The following PITPNM1 variants were observed in gnomAD, a reference collection of about 807,000 sequenced individuals.
PITPNM1 encodes phosphatidylinositol transfer protein membrane associated 1.
In PITPNM1, 74 loss-of-function variants were observed where a neutral mutation model predicts 133.3. That is an observed-to-expected ratio of 0.56 (90% CI 0.46 to 0.67). PITPNM1 has a LOEUF of 0.67. PITPNM1 is among the 30% of genes least tolerant of loss of function. PITPNM1 has a pLI of 0.00. For synonymous variants in PITPNM1, 738 were observed against 741.4 expected, an observed-to-expected ratio of 1.00 and a Z score of 0.08; for missense variants, 1,398 against 1,739.5, an observed-to-expected ratio of 0.80 and a Z score of 3.49.
intron 14 of PITPNM1, chr11:67,496,956 G>T: frequency 1.6e-5 from 5 of 318,282 alleles, no homozygotes; most frequent in Admixed American, 4.8e-5. Flanking sequence ...AGGCTGAGAA[G>T]AGGGCAGCGG....
In PITPNM1 at chr11:67,493,048, G is replaced by A. The variant is rs781092601; in HGVS notation, c.3357C>T (p.Ile1119=). ...QSLVQEVELN[I]VAGYGSPKDV... is the part of the protein sequence containing the mutation. ...CTTTGGGAGACCCATAACCGGCCAC[G>A]ATGTTCAGTTCTACCTGTGGCGGGA... The change falls in exon 23 of 24, where the codon ATC becomes ATT. Residue 1119 remains isoleucine, a synonymous_variant. Transcript: ENST00000356404. 4 of 1,612,886 alleles carry A rather than the reference G, an allele frequency of 2.5e-6. No homozygotes were observed. Among genetic ancestry groups the A allele is most frequent in the African/African-American group, 2.7e-5 (2 of 74,952 alleles).
Position 67,497,404 on chromosome 11 carries a change from CAGG to C in PITPNM1, c.1970_1972del (p.Ser657del). ...GGCCGTGCTTGCCCGCCGGGGCTCC[CAGG>C]AGGAGGTGGTTGCGGGGGCTGCCTG... On this transcript the variant is annotated inframe_deletion, in exon 14 of 24. Coordinates refer to ENST00000356404, the MANE Select transcript of PITPNM1 (RefSeq NM_004910.3). 1 of 1,590,844 alleles carries C rather than the reference CAGG, an allele frequency of 6.3e-7. No homozygotes were observed. The highest frequency in any genetic ancestry group is 8.6e-7 in the Non-Finnish European group (1 of 1,166,302).
Position 67,495,161 on chromosome 11 carries a change from G to A in PITPNM1, c.2547C>T (p.Thr849=), listed in dbSNP as rs1299480915. ...GGGGCAGCGTGACGGTGGGAAAGGC[G>A]GTGAGCGCCTCGGGGCAGTACAGCG... is the stretch of plus-strand genomic sequence containing the variant. The part of the protein sequence containing the change: ...DYSLYCPEAL[T]AFPTVTLPHL... The change falls in exon 17 of 24, where the codon ACC becomes ACT. Residue 849 remains threonine (T), a synonymous_variant. Transcript: ENST00000356404. 7.4e-6 allele frequency: 12 copies of A among 1,612,044 alleles called. No homozygotes were observed. The highest frequency in any genetic ancestry group is 9.3e-6 in the Non-Finnish European group (11 of 1,179,844).
chr11:67,499,661 A>G, intron 8 of PITPNM1, 62 bp downstream of exon 8: 9 of 742,586 alleles, frequency 1.2e-5, no homozygotes, highest in Admixed American at 6.2e-5. Flanking sequence ...TTAAGATGCC[A>G]TTAAACTCAT....
chr11:67,493,826 G>A lies in PITPNM1; in HGVS notation c.3020C>T (p.Thr1007Ile). The change falls in exon 21 of 24, where the codon ACC becomes ATC. Residue 1007 changes from threonine to isoleucine, a missense_variant. Physicochemically the swap from Thr to Ile is moderately conservative, Grantham distance 89. Around this residue, in one of 5 missense-constraint regions of PITPNM1, gnomAD observed 233 missense variants for 378.0 expected, o/e 0.62. Coordinates refer to ENST00000356404, the MANE Select transcript of PITPNM1 (RefSeq NM_004910.3). Reference protein sequence around the residue: ...PVRMVVRGDHTYAECCLTVVA... With the variant: ...PVRMVVRGDHIYAECCLTVVA... The stretch of plus-strand genomic sequence containing the variant: ...CACAGTCAGGCAGCATTCGGCATAG[G>A]TGTGGTCGCCCCTGCGGCCCACGGG... 6.5e-7 allele frequency: 1 copy of A among 1,546,324 alleles called. No individual in the cohort carries two copies. Among genetic ancestry groups the A allele is most frequent in the Non-Finnish European group, 8.7e-7 (1 of 1,145,272 alleles).
chr11:67,500,907 A>G (rs1001576252), intron 5 of PITPNM1, among the ~76,000 whole-genome samples: 2 of 152,254 alleles, frequency 1.3e-5, no homozygotes, highest in Admixed American at 6.5e-5. Flanking sequence ...AAACTCTTAA[A>G]TGTCTAGGAA....
intron 14 of PITPNM1, chr11:67,496,957 A>T: frequency 9.7e-6 from 3 of 309,722 alleles, no homozygotes; most frequent in Non-Finnish European, 1.2e-5. Context: ...GGCTGAGAAG[A>T]GGGCAGCGGC....
Position 67,502,796 on chromosome 11 carries a change from T to C in PITPNM1, c.79-78A>G. 1 of 1,430,450 alleles carries C rather than the reference T, an allele frequency of 7.0e-7. No homozygotes were observed. The highest frequency in any genetic ancestry group is 1.2e-5 in the South Asian group (1 of 85,162). The allele number at this position is 1,430,450 out of a possible 1,614,324, so 88.6% of individuals were successfully genotyped here. On this transcript the variant is annotated intron_variant, in intron 2 of 23. Coordinates refer to ENST00000356404, the MANE Select transcript of PITPNM1 (RefSeq NM_004910.3). The surrounding 1 kb of genome is among the most constrained non-coding windows in gnomAD (Gnocchi z 5.9). The stretch of plus-strand genomic sequence containing the variant: ...GGATCCCCAGCTCAGCCTGGTGTTC[T>C]ACACAGCTCTGGGGCCCTGGTCCCA...
In PITPNM1 at chr11:67,504,351, C is replaced by T; in HGVS notation, c.-41-130G>A. ...CCGCCACGAGGGAGGCAGAGGCGAG[C>T]CTAGCACCGCCGCCCGCGCCGCCGG... is the stretch of plus-strand genomic sequence containing the variant. On this transcript the variant is annotated intron_variant, in intron 1 of 23. Transcript: ENST00000356404. The surrounding 1 kb of genome is among the most constrained non-coding windows in gnomAD (Gnocchi z 5.4). 1 of 304,520 alleles carries T rather than the reference C, an allele frequency of 3.3e-6. No individual in the cohort carries two copies. Among genetic ancestry groups the T allele is most frequent in the Non-Finnish European group, 5.9e-6 (1 of 168,254 alleles). The allele number at this position is 304,520 out of a possible 1,614,324, so 18.9% of individuals were successfully genotyped here.
chr11:67,496,453 G>T, intron 14 of PITPNM1, 105 bp from the exon 15 acceptor site: 1 of 1,016,484 alleles, frequency 9.8e-7, no homozygotes, highest in Non-Finnish European at 1.4e-6. Flanking sequence ...GTGTGACCCC[G>T]AGCCAGCACT....
At position 67,500,100 on chromosome 11, in the gene PITPNM1, T is replaced by C. The variant is rs1866275674; in HGVS notation, c.962A>G (p.His321Arg). 3.1e-6 allele frequency: 5 copies of C among 1,596,190 alleles called. No individual in the cohort carries two copies. The highest frequency in any genetic ancestry group is 3.4e-5 in the Admixed American group (2 of 59,500). ...TCCCTGTGCCCCAGCCTCACCTCCATGTTGGGATGAGTAGGAGGAACGGGA... is the reference window on the plus strand; with the variant it reads ...TCCCTGTGCCCCAGCCTCACCTCCACGTTGGGATGAGTAGGAGGAACGGGA... Reference protein sequence around the residue: ...SSSRSSYSSQHGGAVSPQSLS... With the variant: ...SSSRSSYSSQRGGAVSPQSLS... The change falls in exon 6 of 24, where the codon CAT (histidine) becomes CGT (arginine). Residue 321 changes from histidine (H) to arginine (R), a missense_variant. His to Arg is a conservative substitution (Grantham distance 29). Around this residue, in one of 5 missense-constraint regions of PITPNM1, gnomAD observed 195 missense variants for 178.8 expected, o/e 1.09. Coordinates refer to ENST00000356404, the MANE Select transcript of PITPNM1 (RefSeq NM_004910.3).
Position 67,494,079 on chromosome 11 carries a change from G to C in PITPNM1, c.2860-9C>G. 2 of 1,601,560 alleles carry C rather than the reference G, an allele frequency of 1.2e-6. No homozygotes were observed. Among genetic ancestry groups the C allele is most frequent in the Non-Finnish European group, 1.7e-6 (2 of 1,172,846 alleles). ...ATGATGTAGACATCCACCTGGAGGGGAGAAGGGGCGGGAGGTAAATGGGGG... is the reference window on the plus strand; with the variant it reads ...ATGATGTAGACATCCACCTGGAGGGCAGAAGGGGCGGGAGGTAAATGGGGG... On this transcript the variant is annotated splice_polypyrimidine_tract_variant and intron_variant, in intron 19 of 23. Coordinates refer to ENST00000356404, the MANE Select transcript of PITPNM1 (RefSeq NM_004910.3).
At position 67,494,641 on chromosome 11, in the gene PITPNM1, C is replaced by T. The variant is rs1866048529; in HGVS notation, c.2742+205G>A. ...ATCCAGACCCTAGACCCAAACTTCC[C>T]GCAGAGGGCGGGGAGACCAGCGGTT... is the stretch of plus-strand genomic sequence containing the variant. On this transcript the variant is annotated intron_variant, in intron 18 of 23. Coordinates refer to ENST00000356404, the MANE Select transcript of PITPNM1 (RefSeq NM_004910.3). 2.0e-5 allele frequency among the ~76,000 whole-genome samples: 3 copies of T among 151,916 alleles called. No individual in the cohort carries two copies. The South Asian group carries it at 6.2e-4, about 31-fold the overall frequency.
Position 67,499,974 on chromosome 11 carries a change from T to C in PITPNM1, c.1003A>G (p.Met335Val). The C allele has an allele frequency of 1.2e-6, 2 of 1,612,548 alleles. No individual in the cohort carries two copies. The highest frequency in any genetic ancestry group is 8.5e-7 in the Non-Finnish European group (1 of 1,179,842). Residue 335 changes from methionine (M) to valine (V), a missense_variant, in exon 7 of 24, where the codon ATG becomes GTG. Met to Val is a conservative substitution (Grantham distance 21). Around this residue, in one of 5 missense-constraint regions of PITPNM1, gnomAD observed 195 missense variants for 178.8 expected, o/e 1.09. Transcript: ENST00000356404. Reference protein sequence around the residue: ...VSPQSLSEWRMQNIARDSENS... With the variant: ...VSPQSLSEWRVQNIARDSENS... ...TCAGAGTCTCGGGCAATGTTCTGCA[T>C]GCGCCACTCAGACAAGCTCTGGGGA...
At chr11:67,492,862 G>T in intron 23 of PITPNM1, 72 bp downstream of exon 23, 1 of 1,538,042 alleles carries the variant, frequency 6.5e-7, no homozygotes, top group Non-Finnish European at 8.8e-7. Flanking sequence ...AGAGTCCGTG[G>T]TTCCCAAGGC....
intron 5 of PITPNM1, 53 bp from the exon 6 acceptor site, chr11:67,500,474 G>A (rs934287407): frequency 4.7e-5 from 71 of 1,525,634 alleles, no homozygotes; most frequent in Non-Finnish European, 4.9e-5. Context: ...CCCTGCCACC[G>A]CAGCTACATG....
Position 67,495,673 on chromosome 11 carries a change from C to T in PITPNM1, c.2318-71G>A, listed in dbSNP as rs17847842. On this transcript the variant is annotated intron_variant, in intron 15 of 23. Transcript: ENST00000356404. The stretch of plus-strand genomic sequence containing the variant: ...TCCTGTCTTCTCACCCAGGGCTCCC[C>T]GCACCTCTGCCATCTTCCTGTGGCC... 8,053 of 1,389,886 alleles carry T rather than the reference C, an allele frequency of 5.8e-3. 134 individuals are homozygous for T. In the East Asian group the frequency reaches 0.071, roughly 12 times the overall value. 86.1% of individuals were successfully genotyped at this position (1,389,886 alleles called of 1,614,324 possible).
intron 14 of PITPNM1, 75 bp downstream of exon 14, chr11:67,497,156 A>T: frequency 8.0e-7 from 1 of 1,256,796 alleles, no homozygotes; most frequent in Non-Finnish European, 1.1e-6. Flanking sequence ...CTCGGATGAG[A>T]GGGAAGGCCA....
At chr11:67,493,152 G>C in intron 22 of PITPNM1, 90 bp from the exon 23 acceptor site, 1 of 1,501,976 alleles carries the variant, frequency 6.7e-7, no homozygotes, top group Non-Finnish European at 9.2e-7. Context: ...TTGTTCTGGG[G>C]GTGGGTCCAG....
Sources: allele counts gnomAD v4.1 joint callset (sites outside exome capture counted in the v4.1 genomes callset), GRCh38; gene constraint gnomAD v4.1.1; regional missense constraint gnomAD v4.1.1; non-coding constraint Gnocchi (gnomAD v3.1); transcripts MANE v1.5; gene names NCBI Gene and HGNC (gene_info 2026-07-23, HGNC 2026-07-21).